The following RUFY1 variants were observed in gnomAD, a reference collection of about 807,000 sequenced individuals.
RUFY1 encodes RUN and FYVE domain-containing protein 1.
Under a neutral mutation model 94.6 loss-of-function variants are expected in RUFY1, and 54 were observed. The observed-to-expected ratio is 0.57, with a 90% CI of 0.46 to 0.72. The LOEUF (loss-of-function observed/expected upper bound fraction) is 0.72, where lower values mean the gene tolerates loss of function less well. Ranked by LOEUF, RUFY1 falls within the 30% of genes least tolerant of loss-of-function variation. RUFY1 has a pLI of 0.00. For missense variants in RUFY1, 883 were observed against 883.9 expected (o/e 1.00, Z 0.01); for synonymous variants, 396 against 347.3 (o/e 1.14, Z -1.56).
At chr5:179,551,012 G>GGCGCCTGGCT (rs1259687522) in intron 1 of RUFY1, 133 bp downstream of exon 1, 1 of 774,766 alleles carries the variant, frequency 1.3e-6, no homozygotes, top group African/African-American at 1.9e-5. Flanking sequence ...GCGGGCGGGC[G>GGCGCCTGGCT]GCGCCTGGCT....
intron 17 of RUFY1, chr5:179,608,603 G>A (rs2127579986): frequency 7.1e-6 from 7 of 985,490 alleles, no homozygotes; most frequent in Non-Finnish European, 7.2e-6. Context: ...GCTTAGTGAT[G>A]AAGTACAGCA....
intron 3 of RUFY1, among the ~76,000 whole-genome samples, chr5:179,566,442 C>T (rs761189546): frequency 5.6e-4 from 85 of 151,924 alleles, no homozygotes; most frequent in Non-Finnish European, 4.0e-4. Context: ...CCCATCTCTA[C>T]TAAAAATACA....
intron 6 of RUFY1, among the ~76,000 whole-genome samples, chr5:179,578,320 T>A (rs1021169364): frequency 1.3e-5 from 2 of 152,156 alleles, no homozygotes; most frequent in Non-Finnish European, 2.9e-5. Context: ...TTCAAGCGAT[T>A]CTTCTGCCTC....
intron 5 of RUFY1, among the ~76,000 whole-genome samples, chr5:179,573,077 G>T (rs1034521681): frequency 6.6e-6 from 1 of 152,080 alleles, no homozygotes; most frequent in African/African-American, 2.4e-5. Context: ...AATATGCATT[G>T]GTTTATTTCT....
intron 1 of RUFY1, among the ~76,000 whole-genome samples, chr5:179,556,553 T>C (rs1214184595): frequency 6.6e-6 from 1 of 152,012 alleles, no homozygotes; most frequent in African/African-American, 2.4e-5. Context: ...CAGCCTGGAA[T>C]GCAGTGGCGC....
At chr5:179,572,518 G>A in intron 5 of RUFY1, 1 of 209,856 alleles carries the variant, frequency 4.8e-6, no homozygotes. Context: ...ACCAATGAGG[G>A]CATTGCCTAC....
At chr5:179,603,798 C>G (rs1255205850) in intron 15 of RUFY1, 1 of 152,320 alleles carries the variant, frequency 6.6e-6, no homozygotes, top group Non-Finnish European at 1.5e-5. Flanking sequence ...TGGCTCATGC[C>G]TGTAATCCCA....
chr5:179,565,173 T>TC (rs1317767762), intron 3 of RUFY1, among the ~76,000 whole-genome samples: 12 of 132,896 alleles, frequency 9.0e-5, no homozygotes, highest in African/African-American at 3.4e-4. Context: ...TCTTTTTTTT[T>TC]TTTTTTTTTT....
At chr5:179,577,028 G>GA (rs1763665762) in intron 5 of RUFY1, 47 bp from the exon 6 acceptor site, 2 of 1,278,994 alleles carry the variant, frequency 1.6e-6, no homozygotes, top group East Asian at 2.3e-5. Context: ...TAAAGTTTAT[G>GA]AAAAATAGGA....
chr5:179,571,549 C>G (rs1269807363), intron 5 of RUFY1, among the ~76,000 whole-genome samples: 1 of 151,376 alleles, frequency 6.6e-6, no homozygotes, highest in Non-Finnish European at 1.5e-5. Flanking sequence ...CCTTGAAGTT[C>G]TCTGTACTCT....
chr5:179,558,280 A>G (rs957664066), intron 1 of RUFY1, among the ~76,000 whole-genome samples: 3 of 152,296 alleles, frequency 2.0e-5, no homozygotes, highest in South Asian at 4.1e-4. Flanking sequence ...AAATATAAAA[A>G]TAATTATACT....
intron 17 of RUFY1, chr5:179,608,350 G>C (rs1021979275): frequency 2.0e-6 from 2 of 985,756 alleles, no homozygotes; most frequent in Admixed American, 6.1e-5. Flanking sequence ...GTTTCAGGCA[G>C]TGCCTTGCAG....
chr5:179,555,604 C>T, intron 1 of RUFY1: 1 of 404,124 alleles, frequency 2.5e-6, no homozygotes, highest in Non-Finnish European at 4.8e-6. Flanking sequence ...CATGTAACCC[C>T]CTAAGAAAAC....
chr5:179,564,119 C>CTTTTTTTT (rs59530799), intron 3 of RUFY1, among the ~76,000 whole-genome samples: 2 of 133,538 alleles, frequency 1.5e-5, no homozygotes, highest in African/African-American at 2.8e-5. Context: ...CTGATGTTTT[C>CTTTTTTTT]TTTTTTTTTT....
Position 179,569,553 on chromosome 5 carries a change from G to A in RUFY1, c.828+128G>A, listed in dbSNP as rs115920408. ...GAGCCCACTGGTAGAGGACCCCAGG[G>A]ATGCAGCTGGGGAAGGTCTCGGAAG... is the stretch of plus-strand genomic sequence containing the variant. On this transcript the variant is annotated intron_variant, in intron 5 of 17. Coordinates refer to ENST00000319449, the MANE Select transcript of RUFY1 (RefSeq NM_025158.5). 6,328 of 892,036 alleles carry A rather than the reference G, an allele frequency of 7.1e-3. 44 individuals are homozygous for A. The highest frequency in any genetic ancestry group is 9.0e-3 in the Non-Finnish European group (4,937 of 550,080). The allele number at this position is 892,036 out of a possible 1,614,324, so 55.3% of individuals were successfully genotyped here.
At chr5:179,559,644 T>C (rs2127508377) in intron 1 of RUFY1, 1 of 1,007,646 alleles carries the variant, frequency 9.9e-7, no homozygotes, top group Admixed American at 5.9e-5. Context: ...GCACGCCCTC[T>C]AAGAGCTTGG....
At position 179,603,350 on chromosome 5, in the gene RUFY1, C is replaced by A. The variant is rs549872338; in HGVS notation, c.1856+1364C>A. Reference sequence around the variant, plus strand: ...GCCCACTCCCAGATGCAGGTGCTGGCCACTCGCCGTCTCTCCTGTGCCTCT... The same window carrying A: ...GCCCACTCCCAGATGCAGGTGCTGGACACTCGCCGTCTCTCCTGTGCCTCT... On this transcript the variant is annotated intron_variant, in intron 15 of 17. Coordinates refer to ENST00000319449, the MANE Select transcript of RUFY1 (RefSeq NM_025158.5). 1.3e-3 allele frequency among the ~76,000 whole-genome samples: 203 copies of A among 152,232 alleles called. 1 individual carries two copies. The highest frequency in any genetic ancestry group is 4.7e-3 in the African/African-American group (195 of 41,550).
At chr5:179,586,427 C>T (rs1581502285) in intron 8 of RUFY1, 2 of 456,684 alleles carry the variant, frequency 4.4e-6, no homozygotes, top group Non-Finnish European at 8.8e-6. Flanking sequence ...CACATCTTGT[C>T]TCCTGTTAGC....
chr5:179,576,961 C>A, intron 5 of RUFY1, 114 bp from the exon 6 acceptor site: 1 of 763,574 alleles, frequency 1.3e-6, no homozygotes, highest in Non-Finnish European at 2.2e-6. Context: ...GCTGGCTGAC[C>A]TAAATAAATG....
Sources: gnomAD v4.1 joint callset for allele counts (sites outside exome capture counted in the v4.1 genomes callset) on GRCh38, gnomAD v4.1.1 for gene constraint, MANE v1.5 for transcripts, NCBI Gene and HGNC (gene_info 2026-07-23, HGNC 2026-07-21) for gene names.